The following EML6 variants were observed in gnomAD, a reference collection of about 807,000 sequenced individuals.
EML6 encodes the protein EMAP like 6.
EML6 carries 154 observed loss-of-function variants against 240.1 expected under a neutral mutation model. That is an observed-to-expected ratio of 0.64 (90% confidence interval 0.56 to 0.73). The LOEUF (loss-of-function observed/expected upper bound fraction) is 0.73. Among genes scored for constraint, EML6 ranks in the 30% least tolerant of loss-of-function variants. The probability of loss-of-function intolerance (pLI) is 0.00; values close to 1 mark genes in which losing one functional copy is unlikely to be tolerated. For synonymous variants in EML6, 1,148 were observed against 899.0 expected, an observed-to-expected ratio of 1.28 and a Z score of -4.95; for missense variants, 2,964 against 2,474.6, an observed-to-expected ratio of 1.20 and a Z score of -4.20.
At chr2:54,755,684 A>G (rs949810962) in intron 2 of EML6, among the ~76,000 whole-genome samples, 11 of 152,026 alleles carry the variant, frequency 7.2e-5, no homozygotes, top group Non-Finnish European at 1.2e-4. Context: ...TTTTCGAGAC[A>G]GGGTTTGGCT....
chr2:54,913,076 T>G (rs918941561), intron 25 of EML6, among the ~76,000 whole-genome samples: 1 of 151,304 alleles, frequency 6.6e-6, no homozygotes, highest in Non-Finnish European at 1.5e-5. Flanking sequence ...ATTCTGTTTT[T>G]TTTTTTTTTT....
chr2:54,866,467 A>G (rs1381024505), intron 13 of EML6, among the ~76,000 whole-genome samples: 1 of 152,212 alleles, frequency 6.6e-6, no homozygotes, highest in Non-Finnish European at 1.5e-5. Flanking sequence ...AAGAAATAAA[A>G]CAAACTATTT....
chr2:54,890,971 A>G (rs1672435334), intron 17 of EML6, 83 bp from the exon 18 acceptor site: 1 of 640,766 alleles, frequency 1.6e-6, no homozygotes, highest in Admixed American at 2.7e-5. Flanking sequence ...ATGTGCTTAA[A>G]ATTAGACCAA....
intron 16 of EML6, among the ~76,000 whole-genome samples, chr2:54,878,250 G>A (rs774736928): frequency 2.6e-5 from 4 of 152,166 alleles, no homozygotes; most frequent in African/African-American, 4.8e-5. Flanking sequence ...TGAAAATACC[G>A]GTTGGGACCT....
Position 54,774,411 on chromosome 2 carries a change from G to A in EML6, c.198-38821G>A, listed in dbSNP as rs1049329580. Among the ~76,000 whole-genome samples the A allele has an allele frequency of 3.9e-5, 6 of 152,130 alleles. No homozygotes were observed. The highest frequency in any genetic ancestry group is 7.4e-5 in the Non-Finnish European group (5 of 68,006). Reference sequence around the variant, plus strand: ...AAGGGTGACTGTGGGTGAGGGAGCCGTTGGAAGTTGAGGTGATCCCTGAAG... The same window carrying A: ...AAGGGTGACTGTGGGTGAGGGAGCCATTGGAAGTTGAGGTGATCCCTGAAG... On this transcript the variant is annotated intron_variant, in intron 2 of 41. Coordinates refer to ENST00000356458, the MANE Select transcript of EML6 (RefSeq NM_001039753.4). This position sits in a 1 kb window ranked among gnomAD's most constrained non-coding sequence, Gnocchi z 4.1.
In EML6 at chr2:54,847,519, C is replaced by T. The variant is rs547260496; in HGVS notation, c.1083C>T (p.Ala361=). The T allele has an allele frequency of 3.7e-4, 571 of 1,551,814 alleles. No individual in the cohort carries two copies. The highest frequency in any genetic ancestry group is 4.8e-4 in the Non-Finnish European group (549 of 1,147,072). ...LWSLADHALI[A]RCNMEEAVRS... ...GCCTGGCTGATCATGCCTTGATCGC[C>T]CGCTGTAACATGGAAGAGGCGGTTC... Residue 361 remains alanine (A), a synonymous_variant, in exon 9 of 42, where the codon GCC becomes GCT. Coordinates refer to ENST00000356458, the MANE Select transcript of EML6 (RefSeq NM_001039753.4).
chr2:54,902,988 G>C lies in EML6; in HGVS notation c.3125-56G>C, dbSNP rs564232015. The C allele has an allele frequency of 6.9e-4, 1,020 of 1,487,372 alleles. 3 individuals carry two copies. In the Middle Eastern group the frequency reaches 0.012, roughly 17 times the overall value. 92.1% of individuals were successfully genotyped at this position (1,487,372 alleles called of 1,614,324 possible). On this transcript the variant is annotated intron_variant, in intron 22 of 41. Coordinates refer to ENST00000356458, the MANE Select transcript of EML6 (RefSeq NM_001039753.4). ...TCAGATTTCTTCATCTTTTCATGTG[G>C]TTTGCTTGACAGTGAAGTTTTGGAT...
intron 2 of EML6, among the ~76,000 whole-genome samples, chr2:54,797,081 C>T (rs1006570690): frequency 3.5e-5 from 5 of 143,746 alleles, no homozygotes; most frequent in South Asian, 2.3e-4. Flanking sequence ...AGGAGAATGG[C>T]GTGAACCCAG....
chr2:54,887,538 A>C (rs751468742), intron 17 of EML6, among the ~76,000 whole-genome samples: 1 of 152,172 alleles, frequency 6.6e-6, no homozygotes, highest in Non-Finnish European at 1.5e-5. Flanking sequence ...TAAATTTATT[A>C]ATCTTTTATT....
At chr2:54,777,769 G>T (rs1309838254) in intron 2 of EML6, among the ~76,000 whole-genome samples, 2 of 152,014 alleles carry the variant, frequency 1.3e-5, no homozygotes, top group Non-Finnish European at 2.9e-5. Context: ...TACATTAATG[G>T]GTGCTTGCTC....
At chr2:54,942,806 T>G (rs139313257) in intron 28 of EML6, among the ~76,000 whole-genome samples, 17 of 152,304 alleles carry the variant, frequency 1.1e-4, no homozygotes, top group African/African-American at 2.9e-4. Context: ...CCTCTGGATT[T>G]CTCATTCCCG....
intron 2 of EML6, among the ~76,000 whole-genome samples, chr2:54,741,547 C>A (rs1443018238): frequency 1.3e-5 from 2 of 152,144 alleles, no homozygotes; most frequent in Admixed American, 6.5e-5. Context: ...ACCAAGAATT[C>A]AGTTTCTAAA....
intron 23 of EML6, 64 bp downstream of exon 23, chr2:54,903,260 A>G (rs912968615): frequency 1.3e-6 from 2 of 1,522,416 alleles, no homozygotes; most frequent in Admixed American, 2.1e-5. Flanking sequence ...TACAAGAATG[A>G]ACTATTTCAA....
At chr2:54,796,621 A>AGC (rs1248890422) in intron 2 of EML6, among the ~76,000 whole-genome samples, 5 of 152,060 alleles carry the variant, frequency 3.3e-5, no homozygotes, top group Non-Finnish European at 7.3e-5. Context: ...TGCATACACG[A>AGC]GCGCACACAC....
intron 2 of EML6, among the ~76,000 whole-genome samples, chr2:54,786,698 GCAAA>G (rs1412380575): frequency 6.6e-6 from 1 of 152,200 alleles, no homozygotes; most frequent in Non-Finnish European, 1.5e-5. Flanking sequence ...AAGAAATGGA[GCAAA>G]CAATTAGAAT....
In EML6 at chr2:54,820,368, A is replaced by G. The variant is rs773230175; in HGVS notation, c.457-26A>G. The G allele has an allele frequency of 2.7e-6, 4 of 1,504,166 alleles. No homozygotes were observed. The East Asian group carries it at 7.4e-5, about 28-fold the overall frequency. The allele number at this position is 1,504,166 out of a possible 1,614,324, so 93.2% of individuals were successfully genotyped here. On this transcript the variant is annotated intron_variant, in intron 4 of 41. Coordinates refer to ENST00000356458, the MANE Select transcript of EML6 (RefSeq NM_001039753.4). Reference sequence around the variant, plus strand: ...GGCAAAAATATACCAAATGATCAACATGGCAACTTTTAATGTTTTGAACAG... The same window carrying G: ...GGCAAAAATATACCAAATGATCAACGTGGCAACTTTTAATGTTTTGAACAG...
chr2:54,835,412 G>A (rs1470292014), intron 7 of EML6, among the ~76,000 whole-genome samples: 1 of 152,204 alleles, frequency 6.6e-6, no homozygotes, highest in Non-Finnish European at 1.5e-5. Context: ...TTGTGGAGGA[G>A]CGCAAGTGAT....
intron 15 of EML6, among the ~76,000 whole-genome samples, chr2:54,871,241 T>C (rs1671240622): frequency 6.6e-6 from 1 of 152,140 alleles, no homozygotes; most frequent in Non-Finnish European, 1.5e-5. Flanking sequence ...CAGTGGACAT[T>C]TGAATTAGCC....
At chr2:54,939,836 A>G (rs1675338011) in intron 28 of EML6, among the ~76,000 whole-genome samples, 1 of 152,194 alleles carries the variant, frequency 6.6e-6, no homozygotes, top group Non-Finnish European at 1.5e-5. Flanking sequence ...AAGAGAGGGG[A>G]AAGGAACCAT....
Sources: gnomAD v4.1 joint callset for allele counts (sites outside exome capture counted in the v4.1 genomes callset) on GRCh38, gnomAD v4.1.1 for gene constraint, Gnocchi (gnomAD v3.1) non-coding constraint, MANE v1.5 for transcripts, NCBI Gene and HGNC (gene_info 2026-07-23, HGNC 2026-07-21) for gene names.